AHSG: variants seen among roughly 807,000 people sequenced by gnomAD.
AHSG encodes the protein alpha-2-HS-glycoprotein.
A neutral mutation model predicts 30.1 loss-of-function variants in AHSG; 23 were observed. That is an observed-to-expected ratio of 0.76 (90% confidence interval 0.55 to 1.08). AHSG has a LOEUF of 1.08. Among genes scored for constraint, AHSG ranks in the 50% least tolerant of loss-of-function variants. AHSG has a pLI of 0.00. For missense variants in AHSG, 469 were observed against 459.5 expected (o/e 1.02, Z -0.19); for synonymous variants, 164 against 186.3 (o/e 0.88, Z 0.98).
In AHSG at chr3:186,618,644, G is replaced by A. The variant is rs762412046; in HGVS notation, c.675+7G>A. 3.7e-6 allele frequency: 6 copies of A among 1,613,578 alleles called. No homozygotes were observed. The highest frequency in any genetic ancestry group is 1.7e-5 in the Admixed American group (1 of 59,984). The stretch of plus-strand genomic sequence containing the variant: ...TAACCTGCTGGCAGAAAAGGTGAGT[G>A]GGCCGGGACCTTGGGGTGTTACCAC... On this transcript the variant is annotated splice_region_variant and intron_variant, in intron 5 of 6. Coordinates refer to ENST00000411641, the MANE Select transcript of AHSG (RefSeq NM_001622.4).
At chr3:186,617,046 A>G (rs2108501330) in intron 3 of AHSG, 141 bp from the exon 4 acceptor site, 1 of 1,488,638 alleles carries the variant, frequency 6.7e-7, no homozygotes, top group Non-Finnish European at 8.9e-7. Flanking sequence ...AGCATAGCAA[A>G]AGCCTTTTGA....
chr3:186,613,495 G>A, intron 1 of AHSG, 141 bp downstream of exon 1: 2 of 802,062 alleles, frequency 2.5e-6, no homozygotes, highest in Non-Finnish European at 3.9e-6. Context: ...TGAGGGAAGG[G>A]GCAGGCAGAG....
chr3:186,613,272 C>A lies in AHSG; in HGVS notation c.131C>A (p.Ala44Asp), dbSNP rs750484262. 1.9e-5 allele frequency: 31 copies of A among 1,614,164 alleles called. No homozygotes were observed. The highest frequency in any genetic ancestry group is 1.9e-5 in the Non-Finnish European group (23 of 1,180,022). Residue 44 changes from alanine (A) to aspartate (D), a missense_variant, in exon 1 of 7, where the codon GCT becomes GAT. Ala to Asp is a moderately radical substitution (Grantham distance 126). Coordinates refer to ENST00000411641, the MANE Select transcript of AHSG (RefSeq NM_001622.4). ...DPETEEAALV[A>D]IDYINQNLPW... ...GAAACTGAGGAAGCAGCTCTGGTGG[C>A]TATAGACTACATCAATCAAAACCTT...
chr3:186,619,703 A>G (rs1716417498), intron 5 of AHSG, among the ~76,000 whole-genome samples, 154 bp from the exon 6 acceptor site: 1 of 152,184 alleles, frequency 6.6e-6, no homozygotes, highest in African/African-American at 2.4e-5. Context: ...CTGTATTTCC[A>G]TGTTATATAT....
In AHSG at chr3:186,620,679, G is replaced by C. The variant is rs766181399; in HGVS notation, c.853G>C (p.Ala285Pro). 1.2e-6 allele frequency: 2 copies of C among 1,613,994 alleles called. No individual in the cohort carries two copies. The highest frequency in any genetic ancestry group is 1.7e-6 in the Non-Finnish European group (2 of 1,180,038). Residue 285 changes from alanine (A) to proline (P), a missense_variant, in exon 7 of 7, where the codon GCA becomes CCA. Transcript: ENST00000411641. ...PDAPPSPPLG[A>P]PGLPPAGSPP... is the part of the protein sequence containing the mutation. The stretch of plus-strand genomic sequence containing the variant: ...TGCACCTCCGTCCCCTCCACTTGGC[G>C]CACCTGGACTCCCTCCAGCTGGCTC...
intron 4 of AHSG, 167 bp downstream of exon 4, chr3:186,617,517 G>C: frequency 7.7e-7 from 1 of 1,301,986 alleles, no homozygotes; most frequent in East Asian, 2.5e-5. Context: ...GGGGTATGAG[G>C]CTCCTGAGTG....
rs775326907 is a variant in AHSG at position 186,613,060 on chromosome 3, C to T, written c.-82C>T. 2 of 1,286,244 alleles carry T rather than the reference C, an allele frequency of 1.6e-6. No homozygotes were observed. The highest frequency in any genetic ancestry group is 1.5e-5 in the African/African-American group (1 of 67,714). 79.7% of individuals were successfully genotyped at this position (1,286,244 alleles called of 1,614,324 possible). On this transcript the variant is annotated 5_prime_UTR_variant, in exon 1 of 7. Coordinates refer to ENST00000411641, the MANE Select transcript of AHSG (RefSeq NM_001622.4). Reference sequence around the variant, plus strand: ...ATAAAGCCCACCACCCTCCATGGGTCTACCTTTCCCAGCAGAGCACCTGGG... The same window carrying T: ...ATAAAGCCCACCACCCTCCATGGGTTTACCTTTCCCAGCAGAGCACCTGGG...
At chr3:186,618,511 G>C in intron 4 of AHSG, 25 bp from the exon 5 acceptor site, 1 of 1,607,120 alleles carries the variant, frequency 6.2e-7, no homozygotes, top group South Asian at 1.1e-5. Context: ...CTTTCCTCAA[G>C]AGCATTTTCA....
At chr3:186,613,617 C>G (rs1004078735) in intron 1 of AHSG, among the ~76,000 whole-genome samples, 6 of 152,146 alleles carry the variant, frequency 3.9e-5, no homozygotes, top group African/African-American at 4.8e-5. Flanking sequence ...GTGCAGATCA[C>G]AGACAGAAAG....
Position 186,619,865 on chromosome 3 carries a change from C to T in AHSG, c.684C>T (p.Gly228=). The part of the protein sequence containing the change: ...KCNLLAEKQY[G]FCKATLSEKL... ...TCTTTCTCTGTGGGCAGCAATATGG[C>T]TTTTGTAAGGCAACACTCAGTGAGA... Residue 228 remains glycine (G), a synonymous_variant, in exon 6 of 7, where the codon GGC becomes GGT. Coordinates refer to ENST00000411641, the MANE Select transcript of AHSG (RefSeq NM_001622.4). The T allele has an allele frequency of 6.2e-7, 1 of 1,611,450 alleles. No individual in the cohort carries two copies. The highest frequency in any genetic ancestry group is 8.5e-7 in the Non-Finnish European group (1 of 1,179,240).
intron 6 of AHSG, 133 bp downstream of exon 6, chr3:186,620,073 G>A: frequency 1.7e-6 from 1 of 602,128 alleles, no homozygotes; most frequent in East Asian, 2.9e-5. Flanking sequence ...AATAACACTG[G>A]GGTATGCGGA....
In AHSG at chr3:186,613,307, T is replaced by C. The variant is rs1716200136; in HGVS notation, c.166T>C (p.Tyr56His). ...DYINQNLPWG[Y>H]KHTLNQIDEV... The stretch of plus-strand genomic sequence containing the variant: ...CATCAATCAAAACCTTCCTTGGGGA[T>C]ACAAACACACCTTGAACCAGATTGA... The change falls in exon 1 of 7, where the codon TAC becomes CAC. Residue 56 changes from tyrosine to histidine, a missense_variant. Tyr to His is a moderately conservative substitution (Grantham distance 83). Transcript: ENST00000411641. 1 of 1,614,138 alleles carries C rather than the reference T, an allele frequency of 6.2e-7. No homozygotes were observed. The highest frequency in any genetic ancestry group is 8.5e-7 in the Non-Finnish European group (1 of 1,180,010).
In AHSG at chr3:186,620,678, C is replaced by A. The variant is rs762922913; in HGVS notation, c.852C>A (p.Gly284=). ...DPDAPPSPPL[G]APGLPPAGSP... is the part of the protein sequence containing the mutation. Reference sequence around the variant, plus strand: ...ATGCACCTCCGTCCCCTCCACTTGGCGCACCTGGACTCCCTCCAGCTGGCT... The same window carrying A: ...ATGCACCTCCGTCCCCTCCACTTGGAGCACCTGGACTCCCTCCAGCTGGCT... Residue 284 remains glycine (G), a synonymous_variant, in exon 7 of 7, where the codon GGC becomes GGA. Transcript: ENST00000411641. The A allele has an allele frequency of 1.1e-5, 17 of 1,614,054 alleles. No homozygotes were observed. Among genetic ancestry groups the A allele is most frequent in the African/African-American group, 2.7e-5 (2 of 74,926 alleles).
At chr3:186,616,333 C>A in intron 2 of AHSG, 110 bp from the exon 3 acceptor site, 1 of 715,260 alleles carries the variant, frequency 1.4e-6, no homozygotes, top group East Asian at 2.7e-5. Context: ...TCAGTATTAC[C>A]CAGCAAAGGC....
At chr3:186,618,144 C>A (rs1474605280) in intron 4 of AHSG, among the ~76,000 whole-genome samples, 4 of 152,198 alleles carry the variant, frequency 2.6e-5, no homozygotes, top group Non-Finnish European at 5.9e-5. Flanking sequence ...TTCACTTTCC[C>A]ACCCTATTTT....
rs746208071 is a variant in AHSG at position 186,617,172 on chromosome 3, CCTCTCTCCGAGCAGA to C, written c.410-11_413del. On this transcript the variant is annotated splice_acceptor_variant and splice_polypyrimidine_tract_variant and coding_sequence_variant and intron_variant, in exon 4 of 7. Coordinates refer to ENST00000411641, the MANE Select transcript of AHSG (RefSeq NM_001622.4). LOFTEE classifies it high-confidence loss of function. ...AGAATGGCTGCCCACATCCTGGTTT[CCTCTCTCCGAGCAGA>C]CTCAGCCGAGGACGTGCGCAAGGTG... The C allele has an allele frequency of 6.2e-7, 1 of 1,600,986 alleles. No homozygotes were observed. Among genetic ancestry groups the C allele is most frequent in the East Asian group, 2.2e-5 (1 of 44,766 alleles).
At chr3:186,617,437 G>T in intron 4 of AHSG, 87 bp downstream of exon 4, 2 of 1,607,508 alleles carry the variant, frequency 1.2e-6, no homozygotes, top group African/African-American at 1.3e-5. Flanking sequence ...AGGCAGGGAA[G>T]AACAGGCGCA....
In AHSG at chr3:186,620,800, C is replaced by T. The variant is rs1253935270; in HGVS notation, c.974C>T (p.Ser325Leu). The change falls in exon 7 of 7, where the codon TCA (serine) becomes TTA (leucine). Residue 325 changes from serine (S) to leucine (L), a missense_variant. Physicochemically the swap from Ser to Leu is moderately radical, Grantham distance 145. Transcript: ENST00000411641. ...DLRHTFMGVV[S>L]LGSPSGEVSH... ...CGCCACACCTTCATGGGTGTGGTCT[C>T]ATTGGGGTCACCCTCAGGAGAAGTG... 6.2e-7 allele frequency: 1 copy of T among 1,614,082 alleles called. No homozygotes were observed. Among genetic ancestry groups the T allele is most frequent in the Non-Finnish European group, 8.5e-7 (1 of 1,180,050 alleles).
Position 186,613,271 on chromosome 3 carries a change from G to T in AHSG, c.130G>T (p.Ala44Ser). 1 of 1,614,176 alleles carries T rather than the reference G, an allele frequency of 6.2e-7. No homozygotes were observed. The change falls in exon 1 of 7, where the codon GCT becomes TCT. Residue 44 changes from alanine to serine, a missense_variant. By Grantham distance (99) the Ala-to-Ser change is moderately conservative. Transcript: ENST00000411641. ...DPETEEAALV[A>S]IDYINQNLPW... is the part of the protein sequence containing the mutation. ...AGAAACTGAGGAAGCAGCTCTGGTGGCTATAGACTACATCAATCAAAACCT... is the reference window on the plus strand; with the variant it reads ...AGAAACTGAGGAAGCAGCTCTGGTGTCTATAGACTACATCAATCAAAACCT...
Sources: gnomAD v4.1 joint callset for allele counts (sites outside exome capture counted in the v4.1 genomes callset) on GRCh38, gnomAD v4.1.1 for gene constraint, MANE v1.5 for transcripts, NCBI Gene and HGNC (gene_info 2026-07-23, HGNC 2026-07-21) for gene names.